Variants in MST1R observed in about 807,000 individuals in gnomAD.
MST1R encodes the protein macrophage stimulating 1 receptor.
MST1R carries 99 observed loss-of-function variants against 117.8 expected under a neutral mutation model. The observed-to-expected ratio is 0.84, with a 90% CI of 0.71 to 0.99. The LOEUF is 0.99. MST1R is among the 50% of genes least tolerant of loss of function. MST1R has a pLI of 0.00. For synonymous variants in MST1R, 734 were observed against 765.3 expected (o/e 0.96, Z 0.68); for missense variants, 1,683 against 1,840.2 (o/e 0.91, Z 1.56).
At chr3:49,899,463 G>A in intron 1 of MST1R, 200 bp from the exon 2 acceptor site, 2 of 577,686 alleles carry the variant, frequency 3.5e-6, no homozygotes, top group Non-Finnish European at 6.1e-6. Context: ...GAAGGCCCAG[G>A]CTGGAAGGTC....
Position 49,896,111 on chromosome 3 carries a change from CAG to C in MST1R, c.2650-6_2650-5del. ...CCACAGCGCCCAGCCCAATATACTG[CAG>C]AGAGGGTCATGAGGACCAGCCAGTA... On this transcript the variant is annotated splice_polypyrimidine_tract_variant and splice_region_variant and intron_variant, in intron 10 of 19. Transcript: ENST00000296474. 1 of 1,613,854 alleles carries C rather than the reference CAG, an allele frequency of 6.2e-7. No individual in the cohort carries two copies. The highest frequency in any genetic ancestry group is 8.5e-7 in the Non-Finnish European group (1 of 1,179,830).
Position 49,895,942 on chromosome 3 carries a change from G to A in MST1R, c.2796+19C>T. ...CCCTCTGCCCGTGTTTCCCAGGGAG[G>A]TCCAGCTGGGCTGCCTACCTGCAAT... is the stretch of plus-strand genomic sequence containing the variant. On this transcript the variant is annotated intron_variant, in intron 11 of 19. Transcript: ENST00000296474. 2 of 1,567,700 alleles carry A rather than the reference G, an allele frequency of 1.3e-6. No homozygotes were observed. The highest frequency in any genetic ancestry group is 1.3e-5 in the African/African-American group (1 of 74,180).
At chr3:49,894,158 T>C (rs1036091096) in intron 14 of MST1R, among the ~76,000 whole-genome samples, 4 of 151,204 alleles carry the variant, frequency 2.6e-5, no homozygotes, top group African/African-American at 9.7e-5. Flanking sequence ...GAGGTTGCAA[T>C]GAGCCGAGAT....
In MST1R at chr3:49,903,192, G is replaced by A. The variant is rs1216259052; in HGVS notation, c.418C>T (p.Gln140Ter). 6.2e-7 allele frequency: 1 copy of A among 1,605,624 alleles called. No homozygotes were observed. Among genetic ancestry groups the A allele is most frequent in the Non-Finnish European group, 8.5e-7 (1 of 1,179,952 alleles). Residue 140 changes from glutamine to a stop codon, truncating the protein, a stop_gained, in exon 1 of 20, where the codon CAG becomes TAG. Coordinates refer to ENST00000296474, the MANE Select transcript of MST1R (RefSeq NM_002447.4). LOFTEE classifies it high-confidence loss of function. ...PALVSCGSSL[Q>*]GRCFLHDLEP... ...AGGTCATGCAGGAAGCAGCGGCCCTGCAGGCTGGAGCCACAACTGACCAGC... is the reference window on the plus strand; with the variant it reads ...AGGTCATGCAGGAAGCAGCGGCCCTACAGGCTGGAGCCACAACTGACCAGC...
chr3:49,902,930 C>A lies in MST1R; in HGVS notation c.680G>T (p.Gly227Val), dbSNP rs781699542. Residue 227 changes from glycine (G) to valine (V), a missense_variant, in exon 1 of 20, where the codon GGA (glycine) becomes GTA (valine). By Grantham distance (109) the Gly-to-Val change is moderately radical (BLOSUM62 -3). Transcript: ENST00000296474. Reference protein sequence around the residue: ...SIRRLKADASGFAPGFVALSV... With the variant: ...SIRRLKADASVFAPGFVALSV... ...CAACGCCACAAAGCCCGGTGCGAAT[C>A]CCGAGGCGTCAGCCTTGAGACGCCT... The A allele has an allele frequency of 1.2e-6, 2 of 1,613,380 alleles. No individual in the cohort carries two copies. The highest frequency in any genetic ancestry group is 2.7e-5 in the African/African-American group (2 of 75,080).
Position 49,895,240 on chromosome 3 carries a change from G to A in MST1R, c.3198C>T (p.Leu1066=). ...TCAGCACATCCTTGACCTCAGCCAA[G>A]AGCGCAGAGTCCAGGTCCCTTAGCT... ...SIQLRDLDSA[L]LAEVKDVLIP... Residue 1066 remains leucine (L), a synonymous_variant, in exon 14 of 20, where the codon CTC becomes CTT. Transcript: ENST00000296474. 6.2e-7 allele frequency: 1 copy of A among 1,614,220 alleles called. No individual in the cohort carries two copies. Among genetic ancestry groups the A allele is most frequent in the East Asian group, 2.2e-5 (1 of 44,884 alleles).
At position 49,895,375 on chromosome 3, in the gene MST1R, T is replaced by C; in HGVS notation, c.3065-2A>G. 3 of 1,614,196 alleles carry C rather than the reference T, an allele frequency of 1.9e-6. No individual in the cohort carries two copies. The highest frequency in any genetic ancestry group is 2.2e-5 in the East Asian group (1 of 44,880). The stretch of plus-strand genomic sequence containing the variant: ...CCAGACCATCAATGGCAGGGAGTGC[T>C]GTGGGGAGAGGGAATGAGGAGCTTG... On this transcript the variant is annotated splice_acceptor_variant, in intron 13 of 19. Transcript: ENST00000296474. LOFTEE classifies it high-confidence loss of function.
rs2082575726 is a variant in MST1R, at chr3:49,898,963, C to G, written c.1452G>C (p.Leu484=). The change falls in exon 3 of 20, where the codon CTG becomes CTC. Residue 484 remains leucine (L), a synonymous_variant. Transcript: ENST00000296474. ...CACCCAGTGAGAAGTTGGACACATA[C>G]AGCAAGTAGTTTAGTGACCTGACCA... is the stretch of plus-strand genomic sequence containing the variant. ...VELVRSLNYL[L]YVSNFSLGDS... The G allele has an allele frequency of 1.2e-6, 2 of 1,614,072 alleles. No homozygotes were observed. The highest frequency in any genetic ancestry group is 1.7e-5 in the Admixed American group (1 of 60,010).
chr3:49,887,385 T>C lies in MST1R; in HGVS notation c.4125A>G (p.Pro1375=), dbSNP rs1357180638. The C allele has an allele frequency of 1.2e-6, 2 of 1,614,128 alleles. No homozygotes were observed. Among genetic ancestry groups the C allele is most frequent in the African/African-American group, 2.7e-5 (2 of 74,940 alleles). The change falls in exon 20 of 20, where the codon CCA becomes CCG. Residue 1375 remains proline, a synonymous_variant. Coordinates refer to ENST00000296474, the MANE Select transcript of MST1R (RefSeq NM_002447.4). ...GCATGGGTGAGAACTGCGGCTGTTC[T>C]GGACGCACATTCATCTCATGCGAGG... ...PSTSHEMNVR[P]EQPQFSPMPG... is the part of the protein sequence containing the mutation.
At chr3:49,887,702 G>T in intron 19 of MST1R, 140 bp from the exon 20 acceptor site, 1 of 893,528 alleles carries the variant, frequency 1.1e-6, no homozygotes, top group Non-Finnish European at 1.7e-6. Flanking sequence ...ACCCAATCAG[G>T]GGCAGCTCTT....
rs925929466 is a variant in MST1R, at chr3:49,890,196, A to G, written c.3811-136T>C. The G allele has an allele frequency of 7.1e-6, 8 of 1,122,752 alleles. No individual in the cohort carries two copies. The African/African-American group carries it at 9.4e-5, about 13-fold the overall frequency. The allele number at this position is 1,122,752 out of a possible 1,614,324, so 69.5% of individuals were successfully genotyped here. A position where few individuals can be genotyped will look rare whatever the true frequency, so the allele number is the denominator to read the frequency against. ...CCCTCCACTGAGAGCTCATTCCTCA[A>G]TACATCACCTGTGTCTTTCCTCTGT... On this transcript the variant is annotated intron_variant, in intron 18 of 19. Transcript: ENST00000296474.
Position 49,903,450 on chromosome 3 carries a change from G to C in MST1R, c.160C>G (p.Leu54Val), listed in dbSNP as rs1575461841. 1 of 1,613,560 alleles carries C rather than the reference G, an allele frequency of 6.2e-7. No homozygotes were observed. The highest frequency in any genetic ancestry group is 1.6e-4 in the Middle Eastern group (1 of 6,062). Residue 54 changes from leucine to valine, a missense_variant, in exon 1 of 20, where the codon CTG (leucine) becomes GTG (valine). Transcript: ENST00000296474. ...YVVPSFSAGG[L>V]VQAMVTYEGD... ...TCGTAGGTCACCATGGCCTGTACCA[G>C]GCCTCCGGCGGAGAAGCTGGGCACC...
At position 49,890,530 on chromosome 3, in the gene MST1R, C is replaced by T. The variant is rs758487952; in HGVS notation, c.3765G>A (p.Ala1255=). ...RHARLPVKWM[A]LESLQTYRFT... ...ATCTATAGGTCTGCAGGCTCTCCAG[C>T]GCCATCCACTTCACAGGTAGGCGAG... The change falls in exon 18 of 20, where the codon GCG becomes GCA. Residue 1255 remains alanine (A), a synonymous_variant. Coordinates refer to ENST00000296474, the MANE Select transcript of MST1R (RefSeq NM_002447.4). The T allele has an allele frequency of 1.6e-5, 26 of 1,613,978 alleles. No individual in the cohort carries two copies. Among genetic ancestry groups the T allele is most frequent in the Middle Eastern group, 1.6e-4 (1 of 6,068 alleles).
chr3:49,900,841 T>C (rs993836844), intron 1 of MST1R, among the ~76,000 whole-genome samples: 3 of 152,176 alleles, frequency 2.0e-5, no homozygotes, highest in African/African-American at 4.8e-5. Context: ...AACACGTAAG[T>C]GTCCAATGTC....
rs1254212169 is a variant in MST1R, at chr3:49,897,300, C to T, written c.2163G>A (p.Gly721=). The change falls in exon 7 of 20, where the codon GGG becomes GGA. Residue 721 remains glycine (G), a synonymous_variant. Coordinates refer to ENST00000296474, the MANE Select transcript of MST1R (RefSeq NM_002447.4). The part of the protein sequence containing the change: ...VGTSRAVLVN[G]TECLLARVSE... ...CTTACCGTGCTAGCAGACACTCAGT[C>T]CCATTGACCAGCACAGCCCGGCTGG... The T allele has an allele frequency of 6.2e-7, 1 of 1,611,430 alleles. No individual in the cohort carries two copies.
At chr3:49,891,096 G>T (rs926433680) in intron 17 of MST1R, 101 bp downstream of exon 17, 22 of 1,023,500 alleles carry the variant, frequency 2.1e-5, no homozygotes, top group Non-Finnish European at 3.1e-5. Context: ...GCAGAGAGGG[G>T]AGGACAAGGC....
rs763433622 is a variant in MST1R, at chr3:49,903,438, T to C, written c.172A>G (p.Met58Val). 3 of 1,613,802 alleles carry C rather than the reference T, an allele frequency of 1.9e-6. No homozygotes were observed. Among genetic ancestry groups the C allele is most frequent in the Non-Finnish European group, 2.5e-6 (3 of 1,180,010 alleles). The change falls in exon 1 of 20, where the codon ATG becomes GTG. Residue 58 changes from methionine to valine, a missense_variant. Physicochemically the swap from Met to Val is conservative, Grantham distance 21. Transcript: ENST00000296474. ...TTTCTGTCGCCCTCGTAGGTCACCA[T>C]GGCCTGTACCAGGCCTCCGGCGGAG... The part of the protein sequence containing the change: ...SFSAGGLVQA[M>V]VTYEGDRNES...
At position 49,902,828 on chromosome 3, in the gene MST1R, A is replaced by T; in HGVS notation, c.782T>A (p.Phe261Tyr). ...CACGCTGGCCGGCTGTACAGTCAGG[A>T]AGTATACGAAGGCTCCCGTGTGGAA... Reference protein sequence around the residue: ...HSFHTGAFVYFLTVQPASVTD... With the variant: ...HSFHTGAFVYYLTVQPASVTD... Residue 261 changes from phenylalanine to tyrosine, a missense_variant, in exon 1 of 20, where the codon TTC becomes TAC. Transcript: ENST00000296474. 1 of 1,613,752 alleles carries T rather than the reference A, an allele frequency of 6.2e-7. No individual in the cohort carries two copies. The highest frequency in any genetic ancestry group is 2.2e-5 in the East Asian group (1 of 44,888).
Position 49,899,132 on chromosome 3 carries a change from T to A in MST1R, c.1362A>T (p.Thr454=), listed in dbSNP as rs1203148743. 1 of 1,614,176 alleles carries A rather than the reference T, an allele frequency of 6.2e-7. No homozygotes were observed. Among genetic ancestry groups the A allele is most frequent in the Non-Finnish European group, 8.5e-7 (1 of 1,180,042 alleles). Residue 454 remains threonine (T), a synonymous_variant, in exon 2 of 20, where the codon ACA becomes ACT. Transcript: ENST00000296474. Reference sequence around the variant, plus strand: ...GTGCCACTGTGACGTTGTCAAGGCGTGTCACATACAATGCAGTGACCTGTA... The same window carrying A: ...GTGCCACTGTGACGTTGTCAAGGCGAGTCACATACAATGCAGTGACCTGTA... ...GPVQVTALYV[T]RLDNVTVAHM...
Sources: gnomAD v4.1 joint callset for allele counts (sites outside exome capture counted in the v4.1 genomes callset) on GRCh38, gnomAD v4.1.1 for gene constraint, MANE v1.5 for transcripts, NCBI Gene and HGNC (gene_info 2026-07-23, HGNC 2026-07-21) for gene names.